Variants in PIGU observed in about 807,000 individuals in gnomAD.
PIGU encodes phosphatidylinositol glycan anchor biosynthesis class U, also known as GPI-anchor transamidase component PIGU.
PIGU carries 24 observed loss-of-function variants against 49.9 expected under a neutral mutation model. The ratio of observed to expected loss-of-function variants is 0.48; its 90% CI spans 0.35 to 0.68. PIGU has a LOEUF of 0.68. Ranked by LOEUF, PIGU falls within the 30% of genes least tolerant of loss-of-function variation. The pLI, the probability that PIGU is intolerant of heterozygous loss-of-function variation, is 0.01. For missense variants in PIGU, 490 were observed against 532.6 expected (o/e 0.92, Z 0.79); for synonymous variants, 220 against 205.7 (o/e 1.07, Z -0.59).
At chr20:34,662,956 G>T (rs565326238) in intron 1 of PIGU, among the ~76,000 whole-genome samples, 1 of 152,150 alleles carries the variant, frequency 6.6e-6, no homozygotes, top group South Asian at 2.1e-4. Context: ...ATCCAGACTG[G>T]AGTACAGGAA....
intron 3 of PIGU, 71 bp downstream of exon 3, chr20:34,645,197 AAAAAAAG>A: frequency 7.1e-7 from 1 of 1,403,548 alleles, no homozygotes; most frequent in Non-Finnish European, 9.4e-7. Flanking sequence ...CAAAAAAAAA[AAAAAAAG>A]AGAGAGAGAG....
chr20:34,587,364 C>A (rs1047757007), intron 8 of PIGU, among the ~76,000 whole-genome samples: 1 of 152,146 alleles, frequency 6.6e-6, no homozygotes, highest in South Asian at 2.1e-4. Context: ...GGGGTTTTAA[C>A]TGACAACATA....
chr20:34,635,273 A>G (rs1224277271), intron 5 of PIGU, among the ~76,000 whole-genome samples: 1 of 152,244 alleles, frequency 6.6e-6, no homozygotes, highest in Non-Finnish European at 1.5e-5. Context: ...AGGTCATGCC[A>G]ATCCAAGAGT....
intron 3 of PIGU, among the ~76,000 whole-genome samples, chr20:34,644,590 T>C (rs1162111568): frequency 6.6e-6 from 1 of 152,236 alleles, no homozygotes; most frequent in Non-Finnish European, 1.5e-5. Context: ...GAGTTTGTTA[T>C]AATTACTAAG....
chr20:34,598,489 A>C (rs151047388), intron 7 of PIGU, among the ~76,000 whole-genome samples: 4 of 152,334 alleles, frequency 2.6e-5, no homozygotes, highest in Non-Finnish European at 5.9e-5. Context: ...CCTCTTTTAC[A>C]ATCTTGTGAC....
chr20:34,638,012 T>C (rs761638541), intron 4 of PIGU, 27 bp from the exon 5 acceptor site: 2 of 1,560,010 alleles, frequency 1.3e-6, no homozygotes, highest in East Asian at 4.6e-5. Flanking sequence ...AAGGAAAAGA[T>C]AAAACACATG....
intron 11 of PIGU, among the ~76,000 whole-genome samples, chr20:34,574,572 T>C (rs1234466597): frequency 6.6e-6 from 1 of 152,122 alleles, no homozygotes; most frequent in Non-Finnish European, 1.5e-5. Flanking sequence ...ACACAATTTA[T>C]GCTCAACTCC....
chr20:34,567,130 A>G (rs560532868), intron 11 of PIGU, among the ~76,000 whole-genome samples: 4 of 152,212 alleles, frequency 2.6e-5, no homozygotes, highest in Non-Finnish European at 5.9e-5. Flanking sequence ...GGGGGAATGC[A>G]TGTGGCCGTC....
At position 34,560,880 on chromosome 20, in the gene PIGU, G is replaced by C; in HGVS notation, c.1294C>G (p.Leu432Val). Reference sequence around the variant, plus strand: ...GCCAGCCAGGCCTACTTGAGCACGAGCATGGCCTCTGTGCCATCCTTGGCG... The same window carrying C: ...GCCAGCCAGGCCTACTTGAGCACGACCATGGCCTCTGTGCCATCCTTGGCG... Reference protein sequence around the residue: ...LTAKDGTEAMLVLK With the variant: ...LTAKDGTEAMVVLK The change falls in exon 12 of 12, where the codon CTC becomes GTC. Residue 432 changes from leucine to valine, a missense_variant. Transcript: ENST00000217446. 2.5e-6 allele frequency: 4 copies of C among 1,608,602 alleles called. No homozygotes were observed. In the East Asian group the frequency reaches 6.7e-5, roughly 27 times the overall value.
intron 7 of PIGU, among the ~76,000 whole-genome samples, chr20:34,614,827 A>T (rs116861172): frequency 2.0e-5 from 3 of 152,320 alleles, no homozygotes; most frequent in East Asian, 1.9e-4. Context: ...AATGGAATAC[A>T]CACTCAGCTT....
At chr20:34,588,905 C>A (rs915514070) in intron 7 of PIGU, among the ~76,000 whole-genome samples, 2 of 151,972 alleles carry the variant, frequency 1.3e-5, no homozygotes, top group Admixed American at 1.3e-4. Flanking sequence ...AAAAATCCTT[C>A]AATAGAGGAA....
chr20:34,597,760 T>C (rs1268652151), intron 7 of PIGU, among the ~76,000 whole-genome samples: 1 of 152,182 alleles, frequency 6.6e-6, no homozygotes, highest in Non-Finnish European at 1.5e-5. Context: ...AATGGAGGAA[T>C]GTAGGTTATA....
At chr20:34,649,103 G>A (rs1306906557) in intron 2 of PIGU, among the ~76,000 whole-genome samples, 7 of 152,056 alleles carry the variant, frequency 4.6e-5, no homozygotes, top group African/African-American at 1.4e-4. Context: ...TCCTGACCTC[G>A]TGATCCGCCC....
At chr20:34,583,195 C>T (rs1403034074) in intron 9 of PIGU, among the ~76,000 whole-genome samples, 1 of 152,254 alleles carries the variant, frequency 6.6e-6, no homozygotes, top group Admixed American at 6.5e-5. Flanking sequence ...GCCCTGTAGC[C>T]TCTAAGAAGC....
intron 2 of PIGU, among the ~76,000 whole-genome samples, chr20:34,649,126 C>G (rs1251594218): frequency 6.6e-6 from 1 of 152,104 alleles, no homozygotes; most frequent in Non-Finnish European, 1.5e-5. Context: ...CTTGGCCTCC[C>G]GAAGTGCTGG....
At chr20:34,589,692 G>A (rs778188741) in intron 7 of PIGU, among the ~76,000 whole-genome samples, 10 of 108,842 alleles carry the variant, frequency 9.2e-5, no homozygotes, top group Non-Finnish European at 1.5e-4. Flanking sequence ...AGTTTCGCTC[G>A]TTGCCCTGGC....
intron 6 of PIGU, among the ~76,000 whole-genome samples, chr20:34,623,058 G>A (rs1352646667): frequency 6.6e-6 from 1 of 152,176 alleles, no homozygotes; most frequent in Non-Finnish European, 1.5e-5. Flanking sequence ...AGCTACAGGA[G>A]TGAGCAGGAA....
intron 6 of PIGU, among the ~76,000 whole-genome samples, chr20:34,625,790 G>T (rs1323765284): frequency 2.0e-5 from 3 of 150,708 alleles, no homozygotes; most frequent in African/African-American, 7.3e-5. Flanking sequence ...CATGCCTGTC[G>T]TCTCAGCTAC....
intron 7 of PIGU, among the ~76,000 whole-genome samples, chr20:34,614,110 A>G (rs958284104): frequency 1.5e-4 from 23 of 152,274 alleles, no homozygotes; most frequent in African/African-American, 5.5e-4. Flanking sequence ...AGCCTGAGCA[A>G]CATGGCAAAG....
Sources: gnomAD v4.1 joint callset for allele counts (sites outside exome capture counted in the v4.1 genomes callset) on GRCh38, gnomAD v4.1.1 for gene constraint, MANE v1.5 for transcripts, NCBI Gene and HGNC (gene_info 2026-07-23, HGNC 2026-07-21) for gene names.